Variants in SYT16 observed in about 807,000 individuals in gnomAD.
SYT16 encodes synaptotagmin-16.
A neutral mutation model predicts 61.4 loss-of-function variants in SYT16; 42 were observed. That is an observed-to-expected ratio of 0.68 (90% CI 0.53 to 0.89). The LOEUF (loss-of-function observed/expected upper bound fraction) is 0.89. Among genes scored for constraint, SYT16 ranks in the 40% least tolerant of loss-of-function variants. The pLI, the probability that SYT16 is intolerant of heterozygous loss-of-function variation, is 0.00. For missense variants in SYT16, 804 were observed against 807.3 expected (o/e 1.00, Z 0.05); for synonymous variants, 314 against 302.3 (o/e 1.04, Z -0.40).
At chr14:62,015,396 T>G in intron 3 of SYT16, among the ~76,000 whole-genome samples, 1 of 152,170 alleles carries the variant, frequency 6.6e-6, no homozygotes, top group Non-Finnish European at 1.5e-5. Flanking sequence ...ATAAATACTT[T>G]TAGATTACAG....
At chr14:61,936,836 T>G (rs1011632167) in intron 1 of SYT16, among the ~76,000 whole-genome samples, 1 of 152,216 alleles carries the variant, frequency 6.6e-6, no homozygotes, top group African/African-American at 2.4e-5. Context: ...GGGCCTGACA[T>G]GTTCCCTTCC....
intron 1 of SYT16, among the ~76,000 whole-genome samples, chr14:61,892,024 T>C (rs1175145700): frequency 2.0e-5 from 3 of 152,156 alleles, no homozygotes; most frequent in Non-Finnish European, 4.4e-5. Flanking sequence ...TTGGCTGGAC[T>C]GAAGCATTCA....
chr14:62,096,989 A>G (rs907186211), intron 7 of SYT16, among the ~76,000 whole-genome samples: 25 of 152,124 alleles, frequency 1.6e-4, no homozygotes, highest in African/African-American at 5.6e-4. Flanking sequence ...TATCCCAGAG[A>G]TTCATAGTTC....
intron 1 of SYT16, among the ~76,000 whole-genome samples, chr14:61,857,275 T>G (rs1316043810): frequency 6.6e-6 from 1 of 152,200 alleles, no homozygotes; most frequent in Non-Finnish European, 1.5e-5. Flanking sequence ...GAGTGTTAAC[T>G]CTTCTCTACT....
intron 3 of SYT16, among the ~76,000 whole-genome samples, chr14:62,049,935 A>T (rs540011831): frequency 7.3e-4 from 111 of 152,216 alleles, no homozygotes; most frequent in African/African-American, 2.3e-3. Flanking sequence ...TTGGTGAATC[A>T]GACAATTATG....
At chr14:61,836,217 T>C (rs892553001) in intron 1 of SYT16, among the ~76,000 whole-genome samples, 9 of 152,222 alleles carry the variant, frequency 5.9e-5, no homozygotes, top group Non-Finnish European at 5.9e-5. Context: ...AGAAATTGAA[T>C]TCCTGGGGGT....
chr14:61,864,059 C>T (rs1029841015), intron 1 of SYT16, among the ~76,000 whole-genome samples: 2 of 152,242 alleles, frequency 1.3e-5, no homozygotes, highest in African/African-American at 4.8e-5. Context: ...TGTTCTTCTT[C>T]AATACTGCAT....
intron 1 of SYT16, among the ~76,000 whole-genome samples, chr14:61,898,523 C>T (rs925427004): frequency 2.0e-5 from 3 of 152,122 alleles, no homozygotes; most frequent in African/African-American, 7.2e-5. Context: ...GAGGAAATCC[C>T]GGGGCCATGA....
At chr14:61,828,542 A>G (rs904596112) in intron 1 of SYT16, among the ~76,000 whole-genome samples, 1 of 152,220 alleles carries the variant, frequency 6.6e-6, no homozygotes, top group Non-Finnish European at 1.5e-5. Flanking sequence ...TCACTGATAT[A>G]GAATTCTGAC....
At chr14:61,979,885 A>AC (rs2051994382) in intron 2 of SYT16, among the ~76,000 whole-genome samples, 1 of 152,180 alleles carries the variant, frequency 6.6e-6, no homozygotes, top group African/African-American at 2.4e-5. Context: ...TGTCTCAAAA[A>AC]GAAAAAAAAA....
chr14:61,959,006 T>G (rs908664401), intron 1 of SYT16, among the ~76,000 whole-genome samples: 1 of 152,158 alleles, frequency 6.6e-6, no homozygotes, highest in Non-Finnish European at 1.5e-5. Flanking sequence ...GAAATGCCCT[T>G]CTTTGTCTCT....
Position 62,033,660 on chromosome 14 carries a change from A to C in SYT16, c.524-35943A>C, listed in dbSNP as rs531190978. Among the ~76,000 whole-genome samples, 249 of 151,626 alleles carry C rather than the reference A, an allele frequency of 1.6e-3. 2 individuals carry two copies. Among genetic ancestry groups the C allele is most frequent in the African/African-American group, 5.9e-3 (242 of 41,208 alleles). On this transcript the variant is annotated intron_variant, in intron 3 of 7. Transcript: ENST00000683842. ...CTGCTGTATGATTTATGAATATATA[A>C]TTAATATCCAATGAAAAAACAGCCT...
In SYT16 at chr14:62,019,608, C is replaced by A. The variant is rs559936342; in HGVS notation, c.523+23066C>A. 2.0e-5 allele frequency among the ~76,000 whole-genome samples: 3 copies of A among 152,270 alleles called. No individual in the cohort carries two copies. The East Asian group carries it at 5.8e-4, about 29-fold the overall frequency. On this transcript the variant is annotated intron_variant, in intron 3 of 7. Coordinates refer to ENST00000683842, the MANE Select transcript of SYT16 (RefSeq NM_001367656.1). Reference sequence around the variant, plus strand: ...CTTTTTTTTGTTTTATCTTTATGGTCTTTTGAAATGTGAAGTTTGGCCTAG... The same window carrying A: ...CTTTTTTTTGTTTTATCTTTATGGTATTTTGAAATGTGAAGTTTGGCCTAG...
intron 1 of SYT16, among the ~76,000 whole-genome samples, chr14:61,953,826 G>C (rs2050765528): frequency 6.6e-6 from 1 of 152,180 alleles, no homozygotes; most frequent in Admixed American, 6.5e-5. Flanking sequence ...CCTTTCCTGG[G>C]AGGCGCTGTG....
intron 7 of SYT16, among the ~76,000 whole-genome samples, chr14:62,094,334 C>G (rs1007828311): frequency 5.3e-5 from 8 of 152,030 alleles, no homozygotes; most frequent in Admixed American, 3.3e-4. Flanking sequence ...TCTCTTTTTT[C>G]TTGCATACTG....
At chr14:61,812,531 G>T (rs1372812754), upstream of SYT16, among the ~76,000 whole-genome samples, 5 of 151,322 alleles carry the variant, frequency 3.3e-5, no homozygotes, top group African/African-American at 1.2e-4. Context: ...GAGGCGAGGA[G>T]GGGGAGATCC....
In SYT16 at chr14:61,934,502, A is replaced by G. The variant is rs1228931650; in HGVS notation, c.-324-35630A>G. Among the ~76,000 whole-genome samples the G allele has an allele frequency of 5.3e-5, 8 of 152,256 alleles. No homozygotes were observed. In the South Asian group the frequency reaches 1.2e-3, roughly 24 times the overall value. On this transcript the variant is annotated intron_variant, in intron 1 of 7. Coordinates refer to ENST00000683842, the MANE Select transcript of SYT16 (RefSeq NM_001367656.1). ...CTGTTATGCAAAGGAAACTCTGGGA[A>G]GAAATGATGTGGTTTGGGACTACAC...
intron 4 of SYT16, among the ~76,000 whole-genome samples, chr14:62,074,172 C>T (rs2056399246): frequency 6.6e-6 from 1 of 152,138 alleles, no homozygotes; most frequent in African/African-American, 2.4e-5. Flanking sequence ...ACCCTGCCAG[C>T]TTTTCCTGAC....
At chr14:61,965,895 A>G (rs2051295896) in intron 1 of SYT16, among the ~76,000 whole-genome samples, 1 of 152,160 alleles carries the variant, frequency 6.6e-6, no homozygotes, top group Admixed American at 6.6e-5. Flanking sequence ...AGAGACTCAC[A>G]GAAGGATACA....
Sources: allele counts gnomAD v4.1 joint callset (sites outside exome capture counted in the v4.1 genomes callset), GRCh38; gene constraint gnomAD v4.1.1; transcripts MANE v1.5; gene names NCBI Gene and HGNC (gene_info 2026-07-23, HGNC 2026-07-21).